AUTS2: variants seen among roughly 807,000 people sequenced by gnomAD.
The protein encoded by AUTS2 is autism susceptibility gene 2 protein.
Under a neutral mutation model 112.4 loss-of-function variants are expected in AUTS2, and 17 were observed. The observed-to-expected ratio is 0.15, with a 90% CI of 0.10 to 0.23. The LOEUF is 0.23. Among genes scored for constraint, AUTS2 ranks in the 10% least tolerant of loss-of-function variants. The probability of loss-of-function intolerance (pLI) is 1.00; values close to 1 mark genes in which losing one functional copy is unlikely to be tolerated. For missense variants in AUTS2, 1,510 were observed against 1,701.6 expected (o/e 0.89, Z 1.98); for synonymous variants, 751 against 702.7 (o/e 1.07, Z -1.09).
chr7:70,638,163 A>G (rs1031440529), intron 5 of AUTS2, among the ~76,000 whole-genome samples: 19 of 152,088 alleles, frequency 1.2e-4, no homozygotes, highest in African/African-American at 4.3e-4. Flanking sequence ...TTTCTCCCCA[A>G]ACCCAAAGTA....
Position 70,774,081 on chromosome 7 carries a change from A to G in AUTS2, c.1884A>G (p.Leu628=). Residue 628 remains leucine, a synonymous_variant, in exon 12 of 19, where the codon TTA becomes TTG. Coordinates refer to ENST00000342771, the MANE Select transcript of AUTS2 (RefSeq NM_015570.4). The stretch of plus-strand genomic sequence containing the variant: ...GGCCTGGGACAGTCCCACACACTTT[A>G]CTCCAAAAGGACCCGAGGGTACGTG... ...AARPGTVPHT[L]LQKDPRLTDP... is the part of the protein sequence containing the mutation. 1.2e-6 allele frequency: 2 copies of G among 1,613,924 alleles called. No homozygotes were observed. Among genetic ancestry groups the G allele is most frequent in the Non-Finnish European group, 1.7e-6 (2 of 1,179,984 alleles).
chr7:70,156,239 G>A (rs1401235738), intron 4 of AUTS2, among the ~76,000 whole-genome samples: 1 of 152,116 alleles, frequency 6.6e-6, no homozygotes, highest in Non-Finnish European at 1.5e-5. Flanking sequence ...CAAGAGATGT[G>A]GCAATGCCAG....
At chr7:70,033,359 A>G (rs1013849902) in intron 2 of AUTS2, among the ~76,000 whole-genome samples, 7 of 152,202 alleles carry the variant, frequency 4.6e-5, no homozygotes, top group East Asian at 1.9e-4. Flanking sequence ...TGATCCAACT[A>G]TGAGCCATAT....
intron 5 of AUTS2, among the ~76,000 whole-genome samples, chr7:70,609,737 T>G (rs970441893): frequency 1.3e-5 from 2 of 152,096 alleles, no homozygotes; most frequent in African/African-American, 2.4e-5. Context: ...AGGATTGTCC[T>G]CTTTTTTAAG....
intron 2 of AUTS2, among the ~76,000 whole-genome samples, chr7:70,105,072 T>G (rs1032720607): frequency 2.0e-5 from 3 of 152,210 alleles, no homozygotes; most frequent in African/African-American, 7.2e-5. Context: ...TCTGCATAAC[T>G]GTTGATGGCT....
At chr7:69,828,738 T>A (rs371821849) in intron 1 of AUTS2, among the ~76,000 whole-genome samples, 5 of 152,162 alleles carry the variant, frequency 3.3e-5, no homozygotes, top group Admixed American at 1.3e-4. Context: ...TCTCATACTT[T>A]GCTTCCATAT....
intron 2 of AUTS2, among the ~76,000 whole-genome samples, chr7:69,977,798 C>T (rs1222742144): frequency 6.6e-6 from 1 of 152,130 alleles, no homozygotes; most frequent in Non-Finnish European, 1.5e-5. Flanking sequence ...AATCTGATGA[C>T]ATCATATATC....
At chr7:70,770,701 G>T (rs1790282651) in intron 10 of AUTS2, among the ~76,000 whole-genome samples, 1 of 152,134 alleles carries the variant, frequency 6.6e-6, no homozygotes, top group South Asian at 2.1e-4. Flanking sequence ...TACGTGAAGG[G>T]CTTGGCTTGA....
chr7:70,049,201 A>G (rs1329254561), intron 2 of AUTS2, among the ~76,000 whole-genome samples: 1 of 152,212 alleles, frequency 6.6e-6, no homozygotes, highest in African/African-American at 2.4e-5. Context: ...GGCTGTTTCA[A>G]ATTTTTAATT....
chr7:69,873,383 G>A (rs1019119738), intron 1 of AUTS2, among the ~76,000 whole-genome samples: 5 of 148,592 alleles, frequency 3.4e-5, no homozygotes, highest in African/African-American at 1.2e-4. Flanking sequence ...CACCTGTAGA[G>A]ATTTGAATTT....
intron 4 of AUTS2, among the ~76,000 whole-genome samples, chr7:70,159,353 A>G (rs1248924380): frequency 6.6e-6 from 1 of 152,232 alleles, no homozygotes; most frequent in Admixed American, 6.5e-5. Context: ...ACGCAGTGTG[A>G]AATACATGTG....
intron 2 of AUTS2, among the ~76,000 whole-genome samples, chr7:70,058,017 G>T (rs1482482182): frequency 6.6e-6 from 1 of 152,190 alleles, no homozygotes; most frequent in Non-Finnish European, 1.5e-5. Context: ...ACATTGAAAA[G>T]ACAGTCATGG....
rs1796835271 is a variant in AUTS2 at position 69,682,329 on chromosome 7, A to G, written c.309+82367A>G. Among the ~76,000 whole-genome samples, 3 of 152,224 alleles carry G rather than the reference A, an allele frequency of 2.0e-5. No individual in the cohort carries two copies. The South Asian group carries it at 6.2e-4, about 32-fold the overall frequency. On this transcript the variant is annotated intron_variant, in intron 1 of 18. Transcript: ENST00000342771. ...AACTTCAGTGTCGTGTTTAGAGCCT[A>G]GTACTTCCTGGCCTGGCATGTTGTC...
At chr7:69,639,509 A>G (rs1026623520) in intron 1 of AUTS2, among the ~76,000 whole-genome samples, 2 of 152,242 alleles carry the variant, frequency 1.3e-5, no homozygotes, top group African/African-American at 4.8e-5. Flanking sequence ...CAGGTTAAAG[A>G]AAGACCTGTG....
At chr7:70,749,376 A>G (rs774235512) in intron 6 of AUTS2, among the ~76,000 whole-genome samples, 19 of 152,050 alleles carry the variant, frequency 1.2e-4, no homozygotes, top group Non-Finnish European at 1.6e-4. Flanking sequence ...GGGTCCGCGA[A>G]TGTACCGTCC....
rs144555156 is a variant in AUTS2 at position 69,977,899 on chromosome 7, G to A, written c.522+78401G>A. ...GGGCCCCCAGGTTTTAAGCCAGTACGTCATCTTCTTTTCACTTTTCAGAGT... is the reference window on the plus strand; with the variant it reads ...GGGCCCCCAGGTTTTAAGCCAGTACATCATCTTCTTTTCACTTTTCAGAGT... On this transcript the variant is annotated intron_variant, in intron 2 of 18. Transcript: ENST00000342771. 7.9e-5 allele frequency among the ~76,000 whole-genome samples: 12 copies of A among 152,230 alleles called. No homozygotes were observed. The South Asian group carries it at 8.3e-4, about 11-fold the overall frequency.
intron 2 of AUTS2, among the ~76,000 whole-genome samples, chr7:69,968,938 A>T (rs1797737967): frequency 6.6e-6 from 1 of 151,892 alleles, no homozygotes. Flanking sequence ...CAGGATTTTT[A>T]TTTAAAATAT....
chr7:70,673,497 G>A (rs921456697), intron 5 of AUTS2, among the ~76,000 whole-genome samples: 19 of 151,948 alleles, frequency 1.3e-4, no homozygotes, highest in African/African-American at 4.1e-4. Context: ...CTCCCAAGTA[G>A]CTGGGACTAC....
chr7:69,784,210 G>T (rs2129317308), intron 1 of AUTS2, among the ~76,000 whole-genome samples: 1 of 152,324 alleles, frequency 6.6e-6, no homozygotes, highest in South Asian at 2.1e-4. Context: ...TTTAAGATTA[G>T]TTTTGGAGAG....
Sources: gnomAD v4.1 joint callset for allele counts (sites outside exome capture counted in the v4.1 genomes callset) on GRCh38, gnomAD v4.1.1 for gene constraint, MANE v1.5 for transcripts, NCBI Gene and HGNC (gene_info 2026-07-23, HGNC 2026-07-21) for gene names.